The following CHN2 variants were observed in gnomAD, a reference collection of about 807,000 sequenced individuals.
The protein encoded by CHN2 is chimerin 2.
A neutral mutation model predicts 56.3 loss-of-function variants in CHN2; 35 were observed. That is an observed-to-expected ratio of 0.62 (90% CI 0.47 to 0.82). CHN2 has a LOEUF of 0.82. Among genes scored for constraint, CHN2 ranks in the 40% least tolerant of loss-of-function variants. The pLI is 0.00. For synonymous variants in CHN2, 210 were observed against 212.8 expected (o/e 0.99, Z 0.12); for missense variants, 491 against 580.5 (o/e 0.85, Z 1.58).
intron 2 of CHN2, among the ~76,000 whole-genome samples, chr7:29,166,105 A>G (rs1230175385): frequency 6.6e-6 from 1 of 152,070 alleles, no homozygotes; most frequent in Non-Finnish European, 1.5e-5. Flanking sequence ...ATATCAGCTC[A>G]CTGTAGCCTT....
chr7:29,297,642 C>T (rs892091680), intron 1 of CHN2, among the ~76,000 whole-genome samples: 2 of 152,104 alleles, frequency 1.3e-5, no homozygotes, highest in African/African-American at 4.8e-5. Context: ...AGAGAGAGGG[C>T]GGCCAAAAGC....
chr7:29,311,159 C>G (rs1430556265), intron 1 of CHN2, among the ~76,000 whole-genome samples: 1 of 152,164 alleles, frequency 6.6e-6, no homozygotes, highest in Non-Finnish European at 1.5e-5. Context: ...TCCAGTCCCT[C>G]CATCATATTC....
At chr7:29,267,170 TG>T (rs1354613422) in intron 1 of CHN2, among the ~76,000 whole-genome samples, 2 of 152,124 alleles carry the variant, frequency 1.3e-5, no homozygotes, top group African/African-American at 4.8e-5. Context: ...TGTCATCCAA[TG>T]CACAACGCTG....
intron 1 of CHN2, among the ~76,000 whole-genome samples, chr7:29,235,311 A>T (rs192625666): frequency 1.3e-5 from 2 of 152,256 alleles, no homozygotes; most frequent in Non-Finnish European, 2.9e-5. Context: ...CATTAGAGAA[A>T]TATAAATCAA....
intron 6 of CHN2, among the ~76,000 whole-genome samples, chr7:29,402,973 G>A (rs182386687): frequency 3.2e-4 from 48 of 151,954 alleles, no homozygotes; most frequent in African/African-American, 1.1e-3. Context: ...TTTGGGAAAC[G>A]GTAAATCAAG....
chr7:29,342,697 A>C (rs143869542), intron 1 of CHN2, among the ~76,000 whole-genome samples: 309 of 152,362 alleles, frequency 2.0e-3, no homozygotes, highest in Middle Eastern at 6.8e-3. Flanking sequence ...GAGATGAATA[A>C]AAGAATAACT....
At chr7:29,246,566 G>A (rs1344205334) in intron 1 of CHN2, among the ~76,000 whole-genome samples, 13 of 152,266 alleles carry the variant, frequency 8.5e-5, no homozygotes, top group African/African-American at 3.1e-4. Context: ...CAGGTGCTAT[G>A]GAGTCAAAGG....
chr7:29,293,992 G>A (rs1383111195), intron 1 of CHN2, among the ~76,000 whole-genome samples: 1 of 148,582 alleles, frequency 6.7e-6, no homozygotes, highest in African/African-American at 2.5e-5. Context: ...TCAGCCTCCC[G>A]AGTAGCTGGG....
At chr7:29,319,802 T>C (rs1795211856) in intron 1 of CHN2, among the ~76,000 whole-genome samples, 2 of 152,174 alleles carry the variant, frequency 1.3e-5, no homozygotes, top group Non-Finnish European at 2.9e-5. Context: ...CATCTGGGCA[T>C]TTGTTTACTC....
At chr7:29,498,423 A>T (rs956552175) in intron 8 of CHN2, among the ~76,000 whole-genome samples, 5 of 152,358 alleles carry the variant, frequency 3.3e-5, no homozygotes, top group South Asian at 4.1e-4. Flanking sequence ...TGAATTTCTC[A>T]TGTTGATAAA....
chr7:29,315,938 A>G (rs979082270), intron 1 of CHN2, among the ~76,000 whole-genome samples: 12 of 152,208 alleles, frequency 7.9e-5, no homozygotes, highest in Non-Finnish European at 1.5e-4. Flanking sequence ...TAAGAATTAG[A>G]ATACACAAAA....
intron 2 of CHN2, among the ~76,000 whole-genome samples, chr7:29,364,296 A>G (rs1585167857): frequency 6.6e-6 from 1 of 152,220 alleles, no homozygotes; most frequent in East Asian, 1.9e-4. Context: ...CATATAGCAG[A>G]TGCTCACATA....
chr7:29,158,980 T>C (rs1481032054), intron 2 of CHN2, among the ~76,000 whole-genome samples: 3 of 152,210 alleles, frequency 2.0e-5, no homozygotes, highest in Non-Finnish European at 2.9e-5. Flanking sequence ...CGAAATATCC[T>C]ATGTAGTTAT....
chr7:29,373,769 C>CA (rs369343695), intron 3 of CHN2, among the ~76,000 whole-genome samples: 10 of 152,252 alleles, frequency 6.6e-5, no homozygotes, highest in African/African-American at 2.4e-4. Context: ...TTGTCTTAGG[C>CA]ACGTCTGGAA....
At chr7:29,230,874 C>T (rs1259585723) in intron 1 of CHN2, among the ~76,000 whole-genome samples, 1 of 152,126 alleles carries the variant, frequency 6.6e-6, no homozygotes, top group Admixed American at 6.5e-5. Flanking sequence ...CAGGTCTACA[C>T]ATTGTACTCT....
At chr7:29,469,242 A>G (rs1053978027) in intron 6 of CHN2, among the ~76,000 whole-genome samples, 1 of 151,984 alleles carries the variant, frequency 6.6e-6, no homozygotes, top group Non-Finnish European at 1.5e-5. Context: ...CACTGCTCCC[A>G]CCCTCATCCA....
Position 29,504,706 on chromosome 7 carries a change from A to C in CHN2, c.914-38A>C, listed in dbSNP as rs565825756. The C allele has an allele frequency of 2.2e-4, 295 of 1,327,958 alleles. 1 individual carries two copies. In the South Asian group the frequency reaches 3.6e-3, roughly 16 times the overall value. 82.3% of individuals were successfully genotyped at this position (1,327,958 alleles called of 1,614,324 possible). A position where few individuals can be genotyped will look rare whatever the true frequency, so the allele number is the denominator to read the frequency against. ...TCTTTTTTTTTTTTTTAGATGTTTC[A>C]AGAAGCTAAAGTCAGTCTCTCTCTC... On this transcript the variant is annotated intron_variant, in intron 9 of 12. Coordinates refer to ENST00000222792, the MANE Select transcript of CHN2 (RefSeq NM_004067.4).
At chr7:29,504,922 G>T in intron 10 of CHN2, 101 bp downstream of exon 10, 3 of 772,598 alleles carry the variant, frequency 3.9e-6, no homozygotes, top group Non-Finnish European at 6.5e-6. Flanking sequence ...GAACTACTAA[G>T]AGTTGTTCTT....
At chr7:29,320,789 G>C (rs1795281478) in intron 1 of CHN2, among the ~76,000 whole-genome samples, 1 of 151,934 alleles carries the variant, frequency 6.6e-6, no homozygotes, top group Non-Finnish European at 1.5e-5. Flanking sequence ...TCTGTCAGGT[G>C]GTGGCCACCT....
Sources: allele counts gnomAD v4.1 joint callset (sites outside exome capture counted in the v4.1 genomes callset), GRCh38; gene constraint gnomAD v4.1.1; transcripts MANE v1.5; gene names NCBI Gene and HGNC (gene_info 2026-07-23, HGNC 2026-07-21).